The following PGLS variants were observed in gnomAD, a reference collection of about 807,000 sequenced individuals.
The protein encoded by PGLS is epididymis secretory protein Li 304.
Under a neutral mutation model 23.2 loss-of-function variants are expected in PGLS, and 21 were observed. The ratio of observed to expected loss-of-function variants is 0.91; its 90% confidence interval spans 0.64 to 1.31. The LOEUF (loss-of-function observed/expected upper bound fraction) is 1.31, where lower values mean the gene tolerates loss of function less well. Among genes scored for constraint, PGLS ranks in the 50% most tolerant of loss-of-function variants. PGLS has a pLI of 0.00. For missense variants in PGLS, 410 were observed against 354.0 expected, an observed-to-expected ratio of 1.16 and a Z score of -1.27; for synonymous variants, 179 against 165.4, an observed-to-expected ratio of 1.08 and a Z score of -0.63.
At chr19:17,517,892 G>A (rs773053208) in intron 4 of PGLS, 42 bp downstream of exon 4, 3 of 1,608,438 alleles carry the variant, frequency 1.9e-6, no homozygotes, top group Non-Finnish European at 2.5e-6. Flanking sequence ...TCATGGGCAT[G>A]TGGGCCCCAG....
At chr19:17,513,727 G>A (rs1175068931) in intron 1 of PGLS, among the ~76,000 whole-genome samples, 2 of 152,080 alleles carry the variant, frequency 1.3e-5, no homozygotes, top group East Asian at 1.9e-4. Flanking sequence ...GCTGAAGCAC[G>A]AGAATCGCTT....
In PGLS at chr19:17,511,768, C is replaced by G. The variant is rs149404597; in HGVS notation, c.96C>G (p.Cys32Trp). Residue 32 changes from cysteine to tryptophan, a missense_variant, in exon 1 of 5, where the codon TGC (cysteine) becomes TGG (tryptophan). Coordinates refer to ENST00000252603, the MANE Select transcript of PGLS (RefSeq NM_012088.3). ...LAQLVAQRAACCLAGARARFA... is the reference protein window; with the variant it reads ...LAQLVAQRAAWCLAGARARFA... Reference sequence around the variant, plus strand: ...AGCTGGTGGCCCAGCGCGCAGCATGCTGCCTGGCAGGGGCCCGCGCCCGTT... The same window carrying G: ...AGCTGGTGGCCCAGCGCGCAGCATGGTGCCTGGCAGGGGCCCGCGCCCGTT... 6.7e-7 allele frequency: 1 copy of G among 1,498,738 alleles called. No homozygotes were observed. Among genetic ancestry groups the G allele is most frequent in the Non-Finnish European group, 8.8e-7 (1 of 1,131,350 alleles). 92.8% of individuals were successfully genotyped at this position (1,498,738 alleles called of 1,614,324 possible). A position where few individuals can be genotyped will look rare whatever the true frequency, so the allele number is the denominator to read the frequency against.
In PGLS at chr19:17,517,820, A is replaced by G. The variant is rs2075540480; in HGVS notation, c.609A>G (p.Ala203=). Residue 203 remains alanine, a synonymous_variant, in exon 4 of 5, where the codon GCA becomes GCG. Transcript: ENST00000252603. The part of the protein sequence containing the change: ...LNAARTVIFV[A]TGEGKAAVLK... ...CAGCACGAACTGTCATCTTTGTGGC[A>G]ACTGGAGAAGGCAAGGCAGCTGTTC... 1.2e-6 allele frequency: 2 copies of G among 1,614,010 alleles called. No homozygotes were observed.
intron 1 of PGLS, chr19:17,515,939 C>T (rs2075530273): frequency 2.3e-6 from 1 of 426,742 alleles, no homozygotes; most frequent in East Asian, 4.5e-5. Flanking sequence ...ACCTCCTCTG[C>T]CCTGACAGGC....
At chr19:17,512,016 A>G (rs2075510216) in intron 1 of PGLS, 56 bp downstream of exon 1, 2 of 1,474,664 alleles carry the variant, frequency 1.4e-6, no homozygotes, top group African/African-American at 1.5e-5. Flanking sequence ...GCCACCGCCT[A>G]CACCCCGGCT....
intron 4 of PGLS, among the ~76,000 whole-genome samples, chr19:17,519,637 T>C (rs544610931): frequency 6.6e-6 from 1 of 152,124 alleles, no homozygotes; most frequent in East Asian, 2.0e-4. Flanking sequence ...CAACCTCAAG[T>C]GATCCGCCCC....
intron 4 of PGLS, 105 bp from the exon 5 acceptor site, chr19:17,520,839 G>C (rs1786033192): frequency 7.9e-7 from 1 of 1,270,896 alleles, no homozygotes; most frequent in Admixed American, 3.4e-5. Context: ...GTCACATTTT[G>C]AGGATACAAG....
rs1341557160 is a variant in PGLS at position 17,511,818 on chromosome 19, G to T, written c.146G>T (p.Ser49Ile). 1 of 1,515,580 alleles carries T rather than the reference G, an allele frequency of 6.6e-7. No homozygotes were observed. Among genetic ancestry groups the T allele is most frequent in the Non-Finnish European group, 8.8e-7 (1 of 1,136,366 alleles). The allele number at this position is 1,515,580 out of a possible 1,614,324, so 93.9% of individuals were successfully genotyped here. A position where few individuals can be genotyped will look rare whatever the true frequency, so the allele number is the denominator to read the frequency against. Residue 49 changes from serine to isoleucine, a missense_variant, in exon 1 of 5, where the codon AGC (serine) becomes ATC (isoleucine). By Grantham distance (142) the Ser-to-Ile change is moderately radical. Transcript: ENST00000252603. ...TTCGCGCTCGGCCTGTCGGGCGGGA[G>T]CCTCGTCTCGATGCTAGCCCGCGAG... ...ARFALGLSGG[S>I]LVSMLARELP...
chr19:17,511,858 C>A lies in PGLS; in HGVS notation c.186C>A (p.Val62=), dbSNP rs762071805. 2.0e-6 allele frequency: 3 copies of A among 1,533,240 alleles called. No individual in the cohort carries two copies. The South Asian group carries it at 3.6e-5, about 18-fold the overall frequency. The allele number at this position is 1,533,240 out of a possible 1,614,324, so 95.0% of individuals were successfully genotyped here. Residue 62 remains valine (V), a synonymous_variant, in exon 1 of 5, where the codon GTC becomes GTA. Transcript: ENST00000252603. The part of the protein sequence containing the change: ...SMLARELPAA[V]APAGPASLAR... ...TAGCCCGCGAGCTACCCGCCGCCGT[C>A]GCCCCTGCCGGGCCAGCTAGCTTAG...
rs542119427 is a variant in PGLS at position 17,519,035 on chromosome 19, G to A, written c.639+1185G>A. 3.0e-4 allele frequency among the ~76,000 whole-genome samples: 46 copies of A among 152,034 alleles called. 1 individual carries two copies. The South Asian group carries it at 8.9e-3, about 30-fold the overall frequency. ...CATCTCCAAAAAAAATAAATCAGGCGGGGCGCGGTGGCTTATGCCTGTAAT... is the reference window on the plus strand; with the variant it reads ...CATCTCCAAAAAAAATAAATCAGGCAGGGCGCGGTGGCTTATGCCTGTAAT... On this transcript the variant is annotated intron_variant, in intron 4 of 4. Transcript: ENST00000252603.
intron 2 of PGLS, 82 bp from the exon 3 acceptor site, chr19:17,517,206 T>C (rs1331682234): frequency 1.2e-6 from 1 of 848,138 alleles, no homozygotes; most frequent in Non-Finnish European, 2.0e-6. Flanking sequence ...TTTTTTTATC[T>C]GACAACTGTT....
At position 17,517,775 on chromosome 19, in the gene PGLS, C is replaced by T. The variant is rs1379363590; in HGVS notation, c.564C>T (p.Leu188=). Residue 188 remains leucine, a synonymous_variant, in exon 4 of 5, where the codon CTC becomes CTT. Transcript: ENST00000252603. ...AGCCACCGCCACAGCGTGTGACCCT[C>T]ACACTACCTGTCCTGAATGCAGCAC... ...SPKPPPQRVT[L]TLPVLNAART... is the part of the protein sequence containing the mutation. 2 of 1,614,038 alleles carry T rather than the reference C, an allele frequency of 1.2e-6. No individual in the cohort carries two copies. The highest frequency in any genetic ancestry group is 1.7e-6 in the Non-Finnish European group (2 of 1,180,028).
intron 2 of PGLS, among the ~76,000 whole-genome samples, chr19:17,516,751 A>AT (rs796286576): frequency 1.1e-3 from 162 of 148,014 alleles, no homozygotes; most frequent in African/African-American, 3.7e-3. Flanking sequence ...CGCCTGGTTA[A>AT]TTTTTTTGTA....
intron 3 of PGLS, 135 bp downstream of exon 3, chr19:17,517,524 C>A: frequency 1.1e-6 from 1 of 926,584 alleles, no homozygotes; most frequent in Non-Finnish European, 1.7e-6. Context: ...AACATACCTG[C>A]CTGCTGGGCT....
chr19:17,519,503 G>C (rs1225844395), intron 4 of PGLS, among the ~76,000 whole-genome samples: 3 of 151,764 alleles, frequency 2.0e-5, no homozygotes, highest in Non-Finnish European at 4.4e-5. Flanking sequence ...GGGTTCAAGT[G>C]CTTCTCCTGC....
intron 2 of PGLS, 34 bp from the exon 3 acceptor site, chr19:17,517,254 C>A: frequency 7.0e-7 from 1 of 1,433,820 alleles, no homozygotes; most frequent in Non-Finnish European, 9.8e-7. Flanking sequence ...CTGCCACCTA[C>A]AACCTCTCAA....
In PGLS at chr19:17,521,237, C is replaced by A. The variant is rs1200838745; in HGVS notation, c.*156C>A. ...GCCAGCAGCCCTACCCGGGGCTCAACACACAGGCTGTGGCTCTGGACATCC... is the reference window on the plus strand; with the variant it reads ...GCCAGCAGCCCTACCCGGGGCTCAAAACACAGGCTGTGGCTCTGGACATCC... On this transcript the variant is annotated 3_prime_UTR_variant, in exon 5 of 5. Coordinates refer to ENST00000252603, the MANE Select transcript of PGLS (RefSeq NM_012088.3). 4.4e-6 allele frequency: 3 copies of A among 682,058 alleles called. No individual in the cohort carries two copies. In the East Asian group the frequency reaches 8.8e-5, roughly 20 times the overall value. 42.3% of individuals were successfully genotyped at this position (682,058 alleles called of 1,614,324 possible).
intron 1 of PGLS, among the ~76,000 whole-genome samples, chr19:17,515,094 CTGT>C (rs1239002837): frequency 1.3e-5 from 2 of 152,144 alleles, no homozygotes; most frequent in Non-Finnish European, 2.9e-5. Context: ...TGGCCATTTT[CTGT>C]TGTTTATAAG....
chr19:17,512,304 C>A, intron 1 of PGLS: 1 of 359,590 alleles, frequency 2.8e-6, no homozygotes, highest in Non-Finnish European at 5.1e-6. Flanking sequence ...CTCCTGAACC[C>A]CGCCTACAGT....
Sources: gnomAD v4.1 joint callset for allele counts (sites outside exome capture counted in the v4.1 genomes callset) on GRCh38, gnomAD v4.1.1 for gene constraint, MANE v1.5 for transcripts, NCBI Gene and HGNC (gene_info 2026-07-23, HGNC 2026-07-21) for gene names.